SIN3A: variants seen among roughly 807,000 people sequenced by gnomAD.
The protein encoded by SIN3A is paired amphipathic helix protein Sin3a.
SIN3A carries 14 observed loss-of-function variants against 146.1 expected under a neutral mutation model. The observed-to-expected ratio is 0.10, with a 90% CI of 0.06 to 0.15. The LOEUF (loss-of-function observed/expected upper bound fraction) is 0.15. SIN3A is among the 10% of genes least tolerant of loss of function. SIN3A has a pLI of 1.00. For missense variants in SIN3A, 1,028 were observed against 1,576.0 expected (o/e 0.65, Z 5.89); for synonymous variants, 572 against 572.0 (o/e 1.00, Z 0.00).
At chr15:75,425,026 C>G (rs1431817133) in intron 2 of SIN3A, among the ~76,000 whole-genome samples, 2 of 152,162 alleles carry the variant, frequency 1.3e-5, no homozygotes, top group Non-Finnish European at 2.9e-5. Flanking sequence ...GCACATTACA[C>G]TGGCTGACAA....
At chr15:75,378,908 A>ATT (rs1555441579) in intron 19 of SIN3A, among the ~76,000 whole-genome samples, 12 of 144,654 alleles carry the variant, frequency 8.3e-5, no homozygotes, top group East Asian at 2.0e-4. Context: ...ATATATATAT[A>ATT]TTTTATTTTT....
intron 1 of SIN3A, among the ~76,000 whole-genome samples, chr15:75,450,464 A>T (rs1488248700): frequency 6.6e-6 from 1 of 151,728 alleles, no homozygotes; most frequent in East Asian, 1.9e-4. Flanking sequence ...GTCTCTGATG[A>T]CTCCCTGCCC....
chr15:75,382,568 T>G (rs1385084360), intron 17 of SIN3A, among the ~76,000 whole-genome samples: 1 of 152,200 alleles, frequency 6.6e-6, no homozygotes, highest in Non-Finnish European at 1.5e-5. Flanking sequence ...ATACAGGCAT[T>G]AATTCTCTAA....
intron 1 of SIN3A, among the ~76,000 whole-genome samples, chr15:75,447,128 T>C (rs1044513172): frequency 6.6e-6 from 1 of 152,182 alleles, no homozygotes; most frequent in African/African-American, 2.4e-5. Context: ...GGAAAGCCAC[T>C]GGATGGTTTT....
At chr15:75,411,821 C>T in intron 5 of SIN3A, 78 bp from the exon 6 acceptor site, 1 of 1,445,966 alleles carries the variant, frequency 6.9e-7, no homozygotes, top group East Asian at 2.3e-5. Context: ...TAAAGAGAAA[C>T]AAGGTGTCAA....
At chr15:75,403,758 C>A (rs1237975165) in intron 9 of SIN3A, among the ~76,000 whole-genome samples, 1 of 152,058 alleles carries the variant, frequency 6.6e-6, no homozygotes, top group African/African-American at 2.4e-5. Context: ...GTTGGCCAGG[C>A]TGGTCTTGAA....
At chr15:75,425,486 T>A (rs542314562) in intron 2 of SIN3A, among the ~76,000 whole-genome samples, 76 of 152,290 alleles carry the variant, frequency 5.0e-4, no homozygotes, top group African/African-American at 1.8e-3. Flanking sequence ...TTATTTTGCT[T>A]ATCTTGATTT....
At chr15:75,445,226 C>A (rs1474245768) in intron 1 of SIN3A, among the ~76,000 whole-genome samples, 1 of 149,964 alleles carries the variant, frequency 6.7e-6, no homozygotes, top group Non-Finnish European at 1.5e-5. Context: ...ACTAAAAATA[C>A]AAAAAATTAG....
chr15:75,424,261 C>T (rs778775056), intron 2 of SIN3A, among the ~76,000 whole-genome samples: 5 of 151,842 alleles, frequency 3.3e-5, no homozygotes, highest in Admixed American at 6.6e-5. Flanking sequence ...ATGGAGAAAC[C>T]CCATCTCTAC....
At chr15:75,395,852 C>G (rs1188796247) in intron 13 of SIN3A, among the ~76,000 whole-genome samples, 1 of 152,178 alleles carries the variant, frequency 6.6e-6, no homozygotes, top group African/African-American at 2.4e-5. Flanking sequence ...CTGCAGTGAG[C>G]TGTGTTCACA....
At chr15:75,430,483 C>T (rs976206274) in intron 1 of SIN3A, 75 bp from the exon 2 acceptor site, 3 of 1,169,592 alleles carry the variant, frequency 2.6e-6, no homozygotes, top group African/African-American at 3.1e-5. Context: ...GGACCAGTCA[C>T]CCAAGTTTAG....
chr15:75,450,076 G>A (rs1370441711), intron 1 of SIN3A, among the ~76,000 whole-genome samples: 2 of 151,928 alleles, frequency 1.3e-5, no homozygotes, highest in African/African-American at 4.8e-5. Flanking sequence ...CACCGCGCCC[G>A]TCCAGGAAAC....
In SIN3A at chr15:75,381,495, C is replaced by T. The variant is rs1435480490; in HGVS notation, c.3288+118G>A. On this transcript the variant is annotated intron_variant, in intron 18 of 20. Transcript: ENST00000394947. Reference sequence around the variant, plus strand: ...GACTTGTACTTTAAGCATCCAGGTCCTGACCCTTAAACAGGCCTGAGGTGC... The same window carrying T: ...GACTTGTACTTTAAGCATCCAGGTCTTGACCCTTAAACAGGCCTGAGGTGC... 3 of 715,762 alleles carry T rather than the reference C, an allele frequency of 4.2e-6. No homozygotes were observed. In the African/African-American group the frequency reaches 5.4e-5, roughly 13 times the overall value. The allele number at this position is 715,762 out of a possible 1,614,324, so 44.3% of individuals were successfully genotyped here. A position where few individuals can be genotyped will look rare whatever the true frequency, so the allele number is the denominator to read the frequency against.
intron 3 of SIN3A, chr15:75,421,969 T>C (rs76005098): frequency 0.058 from 8,854 of 152,364 alleles, 380 homozygotes; most frequent in Non-Finnish European, 0.083. Context: ...CAGTTTTCCC[T>C]GAACTTTATA....
chr15:75,392,879 C>G (rs1292319677), intron 14 of SIN3A, 64 bp from the exon 15 acceptor site: 2 of 1,166,400 alleles, frequency 1.7e-6, no homozygotes, highest in African/African-American at 3.1e-5. Context: ...GTCTACAAGA[C>G]CACATCAGCC....
intron 20 of SIN3A, 74 bp from the exon 21 acceptor site, chr15:75,372,283 T>C: frequency 1.0e-6 from 1 of 999,726 alleles, no homozygotes; most frequent in Non-Finnish European, 1.5e-6. Context: ...CAAAGCCTAA[T>C]TTTCTTCTAA....
intron 1 of SIN3A, among the ~76,000 whole-genome samples, chr15:75,447,397 TA>T (rs1363372518): frequency 6.6e-6 from 1 of 152,220 alleles, no homozygotes; most frequent in Admixed American, 6.5e-5. Flanking sequence ...GTCTCTTAGT[TA>T]TCCAAGAGGA....
intron 1 of SIN3A, among the ~76,000 whole-genome samples, chr15:75,445,380 CAAAAA>C (rs10539996): frequency 1.6e-5 from 1 of 63,602 alleles, no homozygotes; most frequent in African/African-American, 6.8e-5. Context: ...GACACTGTCT[CAAAAA>C]AAAAAAAAAA....
chr15:75,427,380 T>C (rs528115753), intron 2 of SIN3A, among the ~76,000 whole-genome samples: 12 of 128,578 alleles, frequency 9.3e-5, no homozygotes, highest in African/African-American at 3.6e-4. Flanking sequence ...CTCAAAAAAA[T>C]AAAATAAGGC....
Sources: gnomAD v4.1 joint callset for allele counts (sites outside exome capture counted in the v4.1 genomes callset) on GRCh38, gnomAD v4.1.1 for gene constraint, MANE v1.5 for transcripts, NCBI Gene and HGNC (gene_info 2026-07-23, HGNC 2026-07-21) for gene names.